Variants in CAMK4 observed in about 807,000 individuals in gnomAD.
CAMK4 encodes calcium/calmodulin dependent protein kinase IV, also known as calcium/calmodulin-dependent protein kinase type IV.
A neutral mutation model predicts 44.9 loss-of-function variants in CAMK4; 22 were observed. The observed-to-expected ratio is 0.49, with a 90% CI of 0.35 to 0.70. The LOEUF is 0.70. Among genes scored for constraint, CAMK4 ranks in the 30% least tolerant of loss-of-function variants. CAMK4 has a pLI of 0.01. For synonymous variants in CAMK4, 218 were observed against 215.4 expected (o/e 1.01, Z -0.11); for missense variants, 498 against 586.8 (o/e 0.85, Z 1.56).
At chr5:111,259,565 A>T (rs1017499058) in intron 1 of CAMK4, among the ~76,000 whole-genome samples, 1 of 152,170 alleles carries the variant, frequency 6.6e-6, no homozygotes, top group South Asian at 2.1e-4. Flanking sequence ...GTAGGTATAT[A>T]TGCAGCACCC....
intron 2 of CAMK4, chr5:111,358,103 A>G (rs137904018): frequency 2.8e-4 from 43 of 152,240 alleles, no homozygotes; most frequent in African/African-American, 9.4e-4. Context: ...TGACACAGGC[A>G]CAGAGAAGCG....
chr5:111,444,550 G>C (rs1753961006), intron 5 of CAMK4, among the ~76,000 whole-genome samples: 1 of 152,056 alleles, frequency 6.6e-6, no homozygotes, highest in Non-Finnish European at 1.5e-5. Context: ...TGTACATCCA[G>C]CTATTATTTG....
chr5:111,461,830 A>AAAAAAG (rs1351533824), intron 7 of CAMK4, among the ~76,000 whole-genome samples: 1 of 151,542 alleles, frequency 6.6e-6, no homozygotes, highest in East Asian at 1.9e-4. Flanking sequence ...AAAAAAAAAA[A>AAAAAAG]AAAAAATCCC....
chr5:111,301,844 G>A (rs533695812), intron 1 of CAMK4, among the ~76,000 whole-genome samples: 3 of 152,078 alleles, frequency 2.0e-5, no homozygotes, highest in African/African-American at 7.2e-5. Flanking sequence ...TAGTTTTTTT[G>A]CATACTTACT....
chr5:111,329,380 C>T (rs1036280461), intron 1 of CAMK4, among the ~76,000 whole-genome samples: 6 of 151,852 alleles, frequency 4.0e-5, no homozygotes, highest in Non-Finnish European at 7.4e-5. Flanking sequence ...CTGGCCAGGG[C>T]AATCAGGCTG....
chr5:111,468,298 C>T (rs1305054965), intron 7 of CAMK4, among the ~76,000 whole-genome samples: 1 of 152,090 alleles, frequency 6.6e-6, no homozygotes, highest in Non-Finnish European at 1.5e-5. Context: ...CCAAACACCT[C>T]CTATTTTCCC....
At chr5:111,373,123 T>A (rs1751074503) in intron 2 of CAMK4, among the ~76,000 whole-genome samples, 1 of 152,196 alleles carries the variant, frequency 6.6e-6, no homozygotes, top group Admixed American at 6.6e-5. Context: ...TTGATTTTAA[T>A]AGCTTGACTT....
chr5:111,400,822 G>A (rs307546), intron 5 of CAMK4, among the ~76,000 whole-genome samples: 52,366 of 151,926 alleles, frequency 0.34, 9,372 homozygotes, highest in Non-Finnish European at 0.4. Flanking sequence ...GGACATTCTG[G>A]AAGGGTCATC....
chr5:111,297,902 CAA>C (rs1445891605), intron 1 of CAMK4, among the ~76,000 whole-genome samples: 1 of 152,134 alleles, frequency 6.6e-6, no homozygotes, highest in African/African-American at 2.4e-5. Flanking sequence ...TGTATTTCAT[CAA>C]TAATTAGACA....
intron 1 of CAMK4, among the ~76,000 whole-genome samples, chr5:111,267,122 C>G (rs1374769715): frequency 6.6e-6 from 1 of 152,068 alleles, no homozygotes; most frequent in African/African-American, 2.4e-5. Flanking sequence ...TTCTGGTAGT[C>G]TCTGAGAGCT....
chr5:111,313,697 A>G (rs1262706028), intron 1 of CAMK4, among the ~76,000 whole-genome samples: 1 of 151,354 alleles, frequency 6.6e-6, no homozygotes, highest in Non-Finnish European at 1.5e-5. Context: ...GTAGAACTCA[A>G]TATAAATTGG....
intron 5 of CAMK4, among the ~76,000 whole-genome samples, chr5:111,398,822 T>G (rs1317709273): frequency 6.6e-6 from 1 of 152,144 alleles, no homozygotes; most frequent in Non-Finnish European, 1.5e-5. Context: ...TGCTAAAACC[T>G]AGAATTCACC....
intron 5 of CAMK4, 51 bp from the exon 6 acceptor site, chr5:111,446,635 G>A (rs747426152): frequency 1.5e-5 from 14 of 924,866 alleles, no homozygotes; most frequent in Middle Eastern, 2.2e-4. Flanking sequence ...ATAGACATTC[G>A]AACCATAAAT....
In CAMK4 at chr5:111,473,330, T is replaced by C. The variant is rs143383553; in HGVS notation, c.645T>C (p.Gly215=). The part of the protein sequence containing the change: ...PGYCAPEILR[G]CAYGPEVDMW... ...CTGCAGCACCTGAAATTCTTAGAGG[T>C]TGTGCCTATGGACCTGAGGTGGACA... is the stretch of plus-strand genomic sequence containing the variant. Residue 215 remains glycine (G), a synonymous_variant, in exon 8 of 11, where the codon GGT becomes GGC. Transcript: ENST00000282356. 3.7e-6 allele frequency: 6 copies of C among 1,612,256 alleles called. No homozygotes were observed. In the African/African-American group the frequency reaches 8.0e-5, roughly 22 times the overall value.
chr5:111,360,005 A>T (rs551536391), intron 2 of CAMK4, among the ~76,000 whole-genome samples: 4 of 152,140 alleles, frequency 2.6e-5, no homozygotes, highest in Admixed American at 2.0e-4. Context: ...TATGGAGGGG[A>T]ATGTGGGTGA....
intron 1 of CAMK4, among the ~76,000 whole-genome samples, chr5:111,305,331 A>G (rs1483943360): frequency 4.7e-4 from 15 of 32,118 alleles, no homozygotes; most frequent in African/African-American, 2.1e-3. Context: ...AAGGATCAAC[A>G]AAATTGATAG....
intron 5 of CAMK4, among the ~76,000 whole-genome samples, chr5:111,421,717 TTTAATGATTATGTTG>T (rs1343711367): frequency 2.6e-5 from 4 of 152,176 alleles, no homozygotes; most frequent in African/African-American, 4.8e-5. Context: ...TTTCATGATT[TTTAATGATTATGTTG>T]AAAGACATTG....
chr5:111,227,729 G>A (rs1748264786), intron 1 of CAMK4, among the ~76,000 whole-genome samples: 1 of 152,160 alleles, frequency 6.6e-6, no homozygotes, highest in Non-Finnish European at 1.5e-5. Context: ...TGGCAGGGAG[G>A]GCATAGAGTA....
At chr5:111,446,365 A>T (rs1342324857) in intron 5 of CAMK4, among the ~76,000 whole-genome samples, 6 of 152,244 alleles carry the variant, frequency 3.9e-5, no homozygotes, top group African/African-American at 1.2e-4. Context: ...GCACCTTGAC[A>T]TCATTATAGT....
Sources: gnomAD v4.1 joint callset for allele counts (sites outside exome capture counted in the v4.1 genomes callset) on GRCh38, gnomAD v4.1.1 for gene constraint, MANE v1.5 for transcripts, NCBI Gene and HGNC (gene_info 2026-07-23, HGNC 2026-07-21) for gene names.